The following SLC1A2 variants were observed in gnomAD, a reference collection of about 807,000 sequenced individuals.
SLC1A2 encodes the protein excitatory amino acid transporter 2.
SLC1A2 carries 15 observed loss-of-function variants against 48.8 expected under a neutral mutation model. That is an observed-to-expected ratio of 0.31 (90% CI 0.21 to 0.47). SLC1A2 has a LOEUF of 0.47. Among genes scored for constraint, SLC1A2 ranks in the 20% least tolerant of loss-of-function variants. The pLI is 0.99. For missense variants in SLC1A2, 502 were observed against 730.5 expected, an observed-to-expected ratio of 0.69 and a Z score of 3.61; for synonymous variants, 279 against 272.6, an observed-to-expected ratio of 1.02 and a Z score of -0.23.
chr11:35,385,986 T>A (rs1006641011), intron 1 of SLC1A2, among the ~76,000 whole-genome samples: 1 of 151,970 alleles, frequency 6.6e-6, no homozygotes, highest in Non-Finnish European at 1.5e-5. Flanking sequence ...GCTAACATGG[T>A]GAAACCCCGT....
At chr11:35,296,586 A>T (rs1194186079) in intron 6 of SLC1A2, among the ~76,000 whole-genome samples, 1 of 152,126 alleles carries the variant, frequency 6.6e-6, no homozygotes, top group African/African-American at 2.4e-5. Context: ...ACCCTGGAGG[A>T]TCTGCCTCCT....
intron 1 of SLC1A2, among the ~76,000 whole-genome samples, chr11:35,417,572 A>T (rs552215210): frequency 6.6e-6 from 1 of 152,140 alleles, no homozygotes; most frequent in African/African-American, 2.4e-5. Context: ...ATTTCTAGAG[A>T]TCTGTTTTAG....
At chr11:35,364,222 G>A (rs1168430001) in intron 1 of SLC1A2, among the ~76,000 whole-genome samples, 1 of 152,228 alleles carries the variant, frequency 6.6e-6, no homozygotes, top group Non-Finnish European at 1.5e-5. Context: ...GAGGGTGGGG[G>A]CTGTGGGGAG....
intron 3 of SLC1A2, 40 bp from the exon 4 acceptor site, chr11:35,312,488 G>T: frequency 6.2e-7 from 1 of 1,606,472 alleles, no homozygotes; most frequent in Non-Finnish European, 8.5e-7. Flanking sequence ...ATTCTATTAC[G>T]TTTGTGCTAA....
At chr11:35,261,912 A>G (rs1565197580) in intron 10 of SLC1A2, 1 of 394,214 alleles carries the variant, frequency 2.5e-6, no homozygotes, top group Non-Finnish European at 4.5e-6. Flanking sequence ...AAAGGAAAAT[A>G]AAAACCATTT....
Position 35,255,060 on chromosome 11 carries a change from C to T in SLC1A2, c.*5834G>A, listed in dbSNP as rs753253023. On this transcript the variant is annotated 3_prime_UTR_variant, in exon 11 of 11. Transcript: ENST00000278379. ...TTTGCACTAATGGAAAAAAGCCGGC[C>T]GAAAAACAAAACCCAATCCTTTCAG... 1.7e-5 allele frequency: 5 copies of T among 295,256 alleles called. No homozygotes were observed. The highest frequency in any genetic ancestry group is 2.6e-5 in the Non-Finnish European group (4 of 151,334). The allele number at this position is 295,256 out of a possible 1,614,324, so 18.3% of individuals were successfully genotyped here.
At position 35,286,767 on chromosome 11, in the gene SLC1A2, C is replaced by A; in HGVS notation, c.1276G>T (p.Val426Leu). Residue 426 changes from valine (V) to leucine (L), a missense_variant, in exon 8 of 11, where the codon GTG becomes TTG. This residue lies in a region of SLC1A2 where 309 missense variants were observed against 480.3 expected (regional missense o/e 0.64). Transcript: ENST00000278379. ...NGVVLDGGQI[V>L]TVSLTATLAS... The stretch of plus-strand genomic sequence containing the variant: ...CCCCACCCTTCTCACCTTACAGTCA[C>A]AATCTGTCCTCCATCCAGGACAACA... The A allele has an allele frequency of 1.9e-6, 3 of 1,612,574 alleles. No individual in the cohort carries two copies. The highest frequency in any genetic ancestry group is 2.5e-6 in the Non-Finnish European group (3 of 1,179,208).
intron 9 of SLC1A2, among the ~76,000 whole-genome samples, chr11:35,273,547 T>A (rs1850348334): frequency 6.6e-6 from 1 of 152,230 alleles, no homozygotes; most frequent in Non-Finnish European, 1.5e-5. Flanking sequence ...ATAAAAGGCT[T>A]ATATGACCCA....
chr11:35,341,029 A>G (rs1177197809), intron 1 of SLC1A2, among the ~76,000 whole-genome samples: 1 of 152,240 alleles, frequency 6.6e-6, no homozygotes, highest in Non-Finnish European at 1.5e-5. Flanking sequence ...GAACTTACAT[A>G]AAACACAGAT....
In SLC1A2 at chr11:35,260,917, C is replaced by A. The variant is rs752217517; in HGVS notation, c.1702G>T (p.Glu568Ter). 2 of 1,613,650 alleles carry A rather than the reference C, an allele frequency of 1.2e-6. No homozygotes were observed. The highest frequency in any genetic ancestry group is 1.1e-5 in the South Asian group (1 of 91,074). Reference protein sequence around the residue: ...GKSADCSVEEEPWKREK With the variant: ...GKSADCSVEE ...CCTTATTTCTCACGTTTCCAAGGTT[C>A]TTCCTCAACACTGCAGTCGGCTGAC... The change falls in exon 11 of 11, where the codon GAA becomes TAA. Residue 568 changes from glutamate to a stop codon, truncating the protein, a stop_gained. Transcript: ENST00000278379. LOFTEE classifies it high-confidence loss of function.
chr11:35,355,772 C>A (rs1277489741), intron 1 of SLC1A2, among the ~76,000 whole-genome samples: 2 of 151,986 alleles, frequency 1.3e-5, no homozygotes, highest in Non-Finnish European at 2.9e-5. Flanking sequence ...GTAATCCCAG[C>A]TACTCGGGAG....
intron 7 of SLC1A2, among the ~76,000 whole-genome samples, chr11:35,288,953 C>G (rs1231391538): frequency 6.6e-6 from 1 of 152,200 alleles, no homozygotes; most frequent in African/African-American, 2.4e-5. Flanking sequence ...CAAACTAGGA[C>G]TTGAGAATTT....
At chr11:35,374,308 C>T in intron 1 of SLC1A2, 1 of 1,047,924 alleles carries the variant, frequency 9.5e-7, no homozygotes, top group Non-Finnish European at 1.4e-6. Flanking sequence ...GAATTCTCTC[C>T]AGAAGAGTGG....
intron 6 of SLC1A2, among the ~76,000 whole-genome samples, chr11:35,295,072 G>A (rs1320269237): frequency 6.6e-6 from 1 of 152,020 alleles, no homozygotes; most frequent in Non-Finnish European, 1.5e-5. Flanking sequence ...TTTTGAGACA[G>A]AGTCTTGCTC....
intron 1 of SLC1A2, among the ~76,000 whole-genome samples, chr11:35,411,819 C>T (rs1051909126): frequency 2.0e-5 from 3 of 152,156 alleles, no homozygotes; most frequent in African/African-American, 7.2e-5. Flanking sequence ...TTTCAATTAA[C>T]TAAACTTATT....
intron 4 of SLC1A2, among the ~76,000 whole-genome samples, chr11:35,308,943 C>G (rs1851597658): frequency 6.6e-6 from 1 of 152,176 alleles, no homozygotes; most frequent in Non-Finnish European, 1.5e-5. Flanking sequence ...CCAAGTCATG[C>G]CTGAGCTGAG....
At chr11:35,390,190 C>G (rs1183171332) in intron 1 of SLC1A2, among the ~76,000 whole-genome samples, 1 of 152,144 alleles carries the variant, frequency 6.6e-6, no homozygotes, top group Non-Finnish European at 1.5e-5. Context: ...GACTTTAGCA[C>G]GTACAGTAAT....
intron 1 of SLC1A2, among the ~76,000 whole-genome samples, chr11:35,363,441 AT>A (rs1853747133): frequency 1.3e-5 from 2 of 152,164 alleles, no homozygotes; most frequent in African/African-American, 4.8e-5. Context: ...AACTTACAAA[AT>A]AGGGAGCTCA....
chr11:35,362,457 C>T (rs1369811310), intron 1 of SLC1A2, among the ~76,000 whole-genome samples: 1 of 152,180 alleles, frequency 6.6e-6, no homozygotes, highest in Non-Finnish European at 1.5e-5. Context: ...GATTCCAATC[C>T]TACTTTCAAC....
Sources: allele counts gnomAD v4.1 joint callset (sites outside exome capture counted in the v4.1 genomes callset), GRCh38; gene constraint gnomAD v4.1.1; regional missense constraint gnomAD v4.1.1; transcripts MANE v1.5; gene names NCBI Gene and HGNC (gene_info 2026-07-23, HGNC 2026-07-21).